The following FZD8 variants were observed in gnomAD, a reference collection of about 807,000 sequenced individuals.
The protein encoded by FZD8 is frizzled class receptor 8.
FZD8 carries 18 observed loss-of-function variants against 46.0 expected under a neutral mutation model. The ratio of observed to expected loss-of-function variants is 0.39; its 90% CI spans 0.27 to 0.58. FZD8 has a LOEUF of 0.58. Ranked by LOEUF, FZD8 falls within the 20% of genes least tolerant of loss-of-function variation. FZD8 has a pLI of 0.55. For synonymous variants in FZD8, 586 were observed against 467.9 expected, an observed-to-expected ratio of 1.25 and a Z score of -3.26; for missense variants, 785 against 983.4, an observed-to-expected ratio of 0.80 and a Z score of 2.70.
At position 35,639,789 on chromosome 10, in the gene FZD8, C is replaced by G; in HGVS notation, c.1641G>C (p.Val547=). The G allele has an allele frequency of 6.2e-7, 1 of 1,602,046 alleles. No homozygotes were observed. Among genetic ancestry groups the G allele is most frequent in the Non-Finnish European group, 8.5e-7 (1 of 1,179,768 alleles). The change falls in exon 1 of 1, where the codon GTG becomes GTC. Residue 547 remains valine, a synonymous_variant. Coordinates refer to ENST00000374694, the MANE Select transcript of FZD8 (RefSeq NM_031866.3). ...GCTGCTCGTAGAAGAGGCAGGCGAC[C>G]ACCACCGCGGCGGGCACGGTGTAGA... is the stretch of plus-strand genomic sequence containing the variant. ...TVLYTVPAAV[V]VACLFYEQHN...
rs1835880892 is a variant in FZD8, at chr10:35,642,236, C to T, written c.-807G>A. 2 of 153,008 alleles carry T rather than the reference C, an allele frequency of 1.3e-5. No homozygotes were observed. The highest frequency in any genetic ancestry group is 6.5e-5 in the Admixed American group (1 of 15,296). 9.5% of individuals were successfully genotyped at this position (153,008 alleles called of 1,614,324 possible). On this transcript the variant is annotated 5_prime_UTR_variant, in exon 1 of 1. Coordinates refer to ENST00000374694, the MANE Select transcript of FZD8 (RefSeq NM_031866.3). ...AGTGGCGCGGCCCGCGCCCAGCCGC[C>T]GCCTCCTCCTCGGCGGGAGCAGCGC...
rs1564478222 is a variant in FZD8 at position 35,641,554 on chromosome 10, C to G, written c.-125G>C. 1 of 1,279,394 alleles carries G rather than the reference C, an allele frequency of 7.8e-7. No homozygotes were observed. Among genetic ancestry groups the G allele is most frequent in the African/African-American group, 1.5e-5 (1 of 66,376 alleles). The allele number at this position is 1,279,394 out of a possible 1,614,324, so 79.3% of individuals were successfully genotyped here. On this transcript the variant is annotated 5_prime_UTR_variant, in exon 1 of 1. Transcript: ENST00000374694. This position sits in a 1 kb window ranked among gnomAD's most constrained non-coding sequence, Gnocchi z 6.3. ...ATCTGGGGTCTCCCTTATGCTTCGCCCGGGAGGGGGGTCTGCCGATAATCT... is the reference window on the plus strand; with the variant it reads ...ATCTGGGGTCTCCCTTATGCTTCGCGCGGGAGGGGGGTCTGCCGATAATCT...
At position 35,641,637 on chromosome 10, in the gene FZD8, C is replaced by A. The variant is rs930067703; in HGVS notation, c.-208G>T. The A allele has an allele frequency of 1.6e-6, 1 of 617,378 alleles. No homozygotes were observed. Among genetic ancestry groups the A allele is most frequent in the African/African-American group, 1.9e-5 (1 of 52,962 alleles). 38.2% of individuals were successfully genotyped at this position (617,378 alleles called of 1,614,324 possible). ...GGCCCGCAGCCTGGGCAGGGCCCTT[C>A]CGCACTCCTTTCCGCCGCTCCGGGG... On this transcript the variant is annotated 5_prime_UTR_variant, in exon 1 of 1. Coordinates refer to ENST00000374694, the MANE Select transcript of FZD8 (RefSeq NM_031866.3). This position sits in a 1 kb window ranked among gnomAD's most constrained non-coding sequence, Gnocchi z 6.3.
Position 35,641,527 on chromosome 10 carries a change from T to A in FZD8, c.-98A>T. The A allele has an allele frequency of 7.0e-7, 1 of 1,433,014 alleles. No individual in the cohort carries two copies. The highest frequency in any genetic ancestry group is 9.1e-7 in the Non-Finnish European group (1 of 1,095,268). 88.8% of individuals were successfully genotyped at this position (1,433,014 alleles called of 1,614,324 possible). A position where few individuals can be genotyped will look rare whatever the true frequency, so the allele number is the denominator to read the frequency against. ...GAGAGCCGCAGACGGGTACAGCGGG[T>A]GATCTGGGGTCTCCCTTATGCTTCG... is the stretch of plus-strand genomic sequence containing the variant. On this transcript the variant is annotated 5_prime_UTR_variant, in exon 1 of 1. Coordinates refer to ENST00000374694, the MANE Select transcript of FZD8 (RefSeq NM_031866.3). The surrounding 1 kb of genome is among the most constrained non-coding windows in gnomAD (Gnocchi z 6.3).
Position 35,640,917 on chromosome 10 carries a change from C to G in FZD8, c.513G>C (p.Pro171=). 2.5e-6 allele frequency: 3 copies of G among 1,180,012 alleles called. No homozygotes were observed. The highest frequency in any genetic ancestry group is 3.2e-6 in the Non-Finnish European group (3 of 947,258). 73.1% of individuals were successfully genotyped at this position (1,180,012 alleles called of 1,614,324 possible). A position where few individuals can be genotyped will look rare whatever the true frequency, so the allele number is the denominator to read the frequency against. The change falls in exon 1 of 1, where the codon CCG becomes CCC. Residue 171 remains proline, a synonymous_variant. Transcript: ENST00000374694. ...TGCCCGAAGGCGGCTGCTCGCCGGG[C>G]GGCGGCGGCGGCAGGCGGCGCGGCG... The part of the protein sequence containing the change: ...PSPPRRLPPP[P]PGEQPPSGSG...
At position 35,641,362 on chromosome 10, in the gene FZD8, C is replaced by G; in HGVS notation, c.68G>C (p.Ser23Thr). 1.2e-6 allele frequency: 2 copies of G among 1,613,412 alleles called. No individual in the cohort carries two copies. Among genetic ancestry groups the G allele is most frequent in the East Asian group, 2.2e-5 (1 of 44,790 alleles). Residue 23 changes from serine to threonine, a missense_variant, in exon 1 of 1, where the codon AGC (serine) becomes ACC (threonine). Ser to Thr is a moderately conservative substitution (Grantham distance 58, BLOSUM62 1). This residue lies in a region of FZD8 where 354 missense variants were observed against 433.2 expected (regional missense o/e 0.82). Coordinates refer to ENST00000374694, the MANE Select transcript of FZD8 (RefSeq NM_031866.3). The surrounding 1 kb of genome is among the most constrained non-coding windows in gnomAD (Gnocchi z 6.3). ...CTTGGCCGAGGCGGCCGCAGCGCCGCTAGAGCGCTGCAGCAGCGCCAAGGC... is the reference window on the plus strand; with the variant it reads ...CTTGGCCGAGGCGGCCGCAGCGCCGGTAGAGCGCTGCAGCAGCGCCAAGGC... ...LAALALLQRS[S>T]GAAAASAKEL...
In FZD8 at chr10:35,640,788, A is replaced by ACCG. The variant is rs1028435900; in HGVS notation, c.639_641dup (p.Gly216dup). Reference sequence around the variant, plus strand: ...CGCCAGGGGGCCGCGCCTTCCCGCCACCGCCGCCGCCGCGAGCTGGGGGCG... The same window carrying ACCG: ...CGCCAGGGGGCCGCGCCTTCCCGCCACCGCCGCCGCCGCCGCGAGCTGGGGGCG... On this transcript the variant is annotated inframe_insertion, in exon 1 of 1. Transcript: ENST00000374694. 22 of 1,121,410 alleles carry ACCG rather than the reference A, an allele frequency of 2.0e-5. No individual in the cohort carries two copies. The African/African-American group carries it at 2.5e-4, about 13-fold the overall frequency. 69.5% of individuals were successfully genotyped at this position (1,121,410 alleles called of 1,614,324 possible).
In FZD8 at chr10:35,641,487, G is replaced by GGGC. The variant is rs1554808064; in HGVS notation, c.-59_-58insGCC. Reference sequence around the variant, plus strand: ...CAGGCGGCGCGCAGAGGGGTGCCGGGGGGGGGGCCCACGAGAGAGCCGCAG... The same window carrying GGGC: ...CAGGCGGCGCGCAGAGGGGTGCCGGGGGCGGGGGGGCCCACGAGAGAGCCGCAG... On this transcript the variant is annotated 5_prime_UTR_variant, in exon 1 of 1. Coordinates refer to ENST00000374694, the MANE Select transcript of FZD8 (RefSeq NM_031866.3). This position sits in a 1 kb window ranked among gnomAD's most constrained non-coding sequence, Gnocchi z 6.3. 5.2e-6 allele frequency: 7 copies of GGGC among 1,334,754 alleles called. No homozygotes were observed. The African/African-American group carries it at 9.6e-5, about 18-fold the overall frequency. The allele number at this position is 1,334,754 out of a possible 1,614,324, so 82.7% of individuals were successfully genotyped here.
Position 35,639,798 on chromosome 10 carries a change from G to A in FZD8, c.1632C>T (p.Ala544=). The change falls in exon 1 of 1, where the codon GCC becomes GCT. Residue 544 remains alanine, a synonymous_variant. Transcript: ENST00000374694. The part of the protein sequence containing the change: ...GLFTVLYTVP[A]AVVVACLFYE... ...AGAAGAGGCAGGCGACCACCACCGCGGCGGGCACGGTGTAGAGCACGGTGA... is the reference window on the plus strand; with the variant it reads ...AGAAGAGGCAGGCGACCACCACCGCAGCGGGCACGGTGTAGAGCACGGTGA... The A allele has an allele frequency of 6.2e-7, 1 of 1,602,630 alleles. No homozygotes were observed. The highest frequency in any genetic ancestry group is 8.5e-7 in the Non-Finnish European group (1 of 1,179,820).
rs763780475 is a variant in FZD8, at chr10:35,641,431, C to T, written c.-2G>A. On this transcript the variant is annotated 5_prime_UTR_variant, in exon 1 of 1. Coordinates refer to ENST00000374694, the MANE Select transcript of FZD8 (RefSeq NM_031866.3). This position sits in a 1 kb window ranked among gnomAD's most constrained non-coding sequence, Gnocchi z 6.3. ...TTCCAACAGGTAACCCCACTCCATGCTGTGCGCCTCGGCCCGGTGCCCTCG... is the reference window on the plus strand; with the variant it reads ...TTCCAACAGGTAACCCCACTCCATGTTGTGCGCCTCGGCCCGGTGCCCTCG... 12 of 1,598,700 alleles carry T rather than the reference C, an allele frequency of 7.5e-6. No homozygotes were observed. The highest frequency in any genetic ancestry group is 1.3e-5 in the African/African-American group (1 of 74,322).
chr10:35,640,526 C>A lies in FZD8; in HGVS notation c.904G>T (p.Asp302Tyr). Residue 302 changes from aspartate (D) to tyrosine (Y), a missense_variant, in exon 1 of 1, where the codon GAC (aspartate) becomes TAC (tyrosine). Physicochemically the swap from Asp to Tyr is radical, Grantham distance 160 (BLOSUM62 -3). Around this residue, in one of 5 missense-constraint regions of FZD8, gnomAD observed 354 missense variants for 433.2 expected, o/e 0.82. Coordinates refer to ENST00000374694, the MANE Select transcript of FZD8 (RefSeq NM_031866.3). ...TFATVSTFLI[D>Y]MERFKYPERP... ...TCCGGGTACTTGAAGCGCTCCATGT[C>A]GATAAGGAAGGTGGAGACGGTGGCG... 1 of 1,586,918 alleles carries A rather than the reference C, an allele frequency of 6.3e-7. No homozygotes were observed. Among genetic ancestry groups the A allele is most frequent in the Non-Finnish European group, 8.6e-7 (1 of 1,164,594 alleles).
rs1835819279 is a variant in FZD8 at position 35,639,573 on chromosome 10, G to C, written c.1857C>G (p.Arg619=). The change falls in exon 1 of 1, where the codon CGC becomes CGG. Residue 619 remains arginine, a synonymous_variant. Coordinates refer to ENST00000374694, the MANE Select transcript of FZD8 (RefSeq NM_031866.3). The part of the protein sequence containing the change: ...TLESWRSLCT[R]CCWASKGAAV... ...CGGCGCCCTTGCTGGCCCAGCAGCA[G>C]CGGGTGCACAGGGAGCGCCAGGACT... is the stretch of plus-strand genomic sequence containing the variant. 11 of 1,569,822 alleles carry C rather than the reference G, an allele frequency of 7.0e-6. No individual in the cohort carries two copies. Among genetic ancestry groups the C allele is most frequent in the Non-Finnish European group, 9.4e-6 (11 of 1,164,614 alleles).
Position 35,641,344 on chromosome 10 carries a change from G to C in FZD8, c.86C>G (p.Ser29Trp), listed in dbSNP as rs753375253. 1.2e-6 allele frequency: 2 copies of C among 1,613,678 alleles called. No homozygotes were observed. Among genetic ancestry groups the C allele is most frequent in the African/African-American group, 2.7e-5 (2 of 75,044 alleles). ...LQRSSGAAAA[S>W]AKELACQEIT... ...CTCTTGGCATGCCAGCTCCTTGGCC[G>C]AGGCGGCCGCAGCGCCGCTAGAGCG... is the stretch of plus-strand genomic sequence containing the variant. Residue 29 changes from serine (S) to tryptophan (W), a missense_variant, in exon 1 of 1, where the codon TCG (serine) becomes TGG (tryptophan). Transcript: ENST00000374694. The surrounding 1 kb of genome is among the most constrained non-coding windows in gnomAD (Gnocchi z 6.3).
Position 35,641,250 on chromosome 10 carries a change from G to A in FZD8, c.180C>T (p.Asp60=). The A allele has an allele frequency of 1.2e-6, 2 of 1,614,066 alleles. No individual in the cohort carries two copies. The highest frequency in any genetic ancestry group is 1.1e-5 in the South Asian group (1 of 91,088). ...CCTCCAGGCCCGCCTCGTCTTGCGT[G>A]TCGTGGTTGAACTGATTGGGCATGT... ...YTYMPNQFNH[D]TQDEAGLEVH... Residue 60 remains aspartate (D), a synonymous_variant, in exon 1 of 1, where the codon GAC becomes GAT. Coordinates refer to ENST00000374694, the MANE Select transcript of FZD8 (RefSeq NM_031866.3). This position sits in a 1 kb window ranked among gnomAD's most constrained non-coding sequence, Gnocchi z 6.3.
Position 35,641,361 on chromosome 10 carries a change from G to T in FZD8, c.69C>A (p.Ser23Arg). 6.2e-7 allele frequency: 1 copy of T among 1,613,384 alleles called. No homozygotes were observed. Among genetic ancestry groups the T allele is most frequent in the East Asian group, 2.2e-5 (1 of 44,794 alleles). ...LAALALLQRS[S>R]GAAAASAKEL... ...CCTTGGCCGAGGCGGCCGCAGCGCC[G>T]CTAGAGCGCTGCAGCAGCGCCAAGG... Residue 23 changes from serine (S) to arginine (R), a missense_variant, in exon 1 of 1, where the codon AGC (serine) becomes AGA (arginine). Around this residue, in one of 5 missense-constraint regions of FZD8, gnomAD observed 354 missense variants for 433.2 expected, o/e 0.82. Transcript: ENST00000374694. The surrounding 1 kb of genome is among the most constrained non-coding windows in gnomAD (Gnocchi z 6.3).
At position 35,640,016 on chromosome 10, in the gene FZD8, A is replaced by G; in HGVS notation, c.1414T>C (p.Tyr472His). ...TTGTCCAGGCTCTGGTTGCCCACGT[A>G]GCAGATGCCCGCCACCGGGTCGCCG... ...VDGDPVAGIC[Y>H]VGNQSLDNLR... Residue 472 changes from tyrosine (Y) to histidine (H), a missense_variant, in exon 1 of 1, where the codon TAC becomes CAC. By Grantham distance (83) the Tyr-to-His change is moderately conservative. Transcript: ENST00000374694. 1 of 1,611,562 alleles carries G rather than the reference A, an allele frequency of 6.2e-7. No individual in the cohort carries two copies. The highest frequency in any genetic ancestry group is 8.5e-7 in the Non-Finnish European group (1 of 1,179,772).
Position 35,641,284 on chromosome 10 carries a change from T to C in FZD8, c.146A>G (p.Asn49Ser). The C allele has an allele frequency of 5.0e-6, 8 of 1,614,016 alleles. No homozygotes were observed. The highest frequency in any genetic ancestry group is 1.1e-5 in the South Asian group (1 of 91,078). ...TVPLCKGIGY[N>S]YTYMPNQFNH... ...GAACTGATTGGGCATGTAGGTGTAG[T>C]TGTAGCCGATGCCCTTACACAGCGG... Residue 49 changes from asparagine (N) to serine (S), a missense_variant, in exon 1 of 1, where the codon AAC becomes AGC. Asn to Ser is a conservative substitution (Grantham distance 46). Coordinates refer to ENST00000374694, the MANE Select transcript of FZD8 (RefSeq NM_031866.3). This position sits in a 1 kb window ranked among gnomAD's most constrained non-coding sequence, Gnocchi z 6.3.
chr10:35,641,485 G>GA lies in FZD8; in HGVS notation c.-57_-56insT, dbSNP rs1554808057. On this transcript the variant is annotated 5_prime_UTR_variant, in exon 1 of 1. Coordinates refer to ENST00000374694, the MANE Select transcript of FZD8 (RefSeq NM_031866.3). This position sits in a 1 kb window ranked among gnomAD's most constrained non-coding sequence, Gnocchi z 6.3. Reference sequence around the variant, plus strand: ...TCCAGGCGGCGCGCAGAGGGGTGCCGGGGGGGGGGCCCACGAGAGAGCCGC... The same window carrying GA: ...TCCAGGCGGCGCGCAGAGGGGTGCCGAGGGGGGGGGCCCACGAGAGAGCCGC... 1 of 1,251,822 alleles carries GA rather than the reference G, an allele frequency of 8.0e-7. No homozygotes were observed. Among genetic ancestry groups the GA allele is most frequent in the Non-Finnish European group, 1.0e-6 (1 of 976,408 alleles). The allele number at this position is 1,251,822 out of a possible 1,614,324, so 77.5% of individuals were successfully genotyped here.
chr10:35,640,607 C>A lies in FZD8; in HGVS notation c.823G>T (p.Ala275Ser), dbSNP rs1222542340. The A allele has an allele frequency of 1.3e-6, 2 of 1,583,700 alleles. No homozygotes were observed. Among genetic ancestry groups the A allele is most frequent in the Non-Finnish European group, 1.7e-6 (2 of 1,162,684 alleles). ...AGGCCGATCCAGAAGACGGTGAAGG[C>A]GCGCTCGTCCTGGCTGAAAAAGGGG... The part of the protein sequence containing the change: ...HNPFFSQDER[A>S]FTVFWIGLWS... Residue 275 changes from alanine to serine, a missense_variant, in exon 1 of 1, where the codon GCC (alanine) becomes TCC (serine). This residue lies in a region of FZD8 where 354 missense variants were observed against 433.2 expected (regional missense o/e 0.82). Coordinates refer to ENST00000374694, the MANE Select transcript of FZD8 (RefSeq NM_031866.3).
Sources: allele counts gnomAD v4.1 joint callset, GRCh38; gene constraint gnomAD v4.1.1; regional missense constraint gnomAD v4.1.1; non-coding constraint Gnocchi (gnomAD v3.1); transcripts MANE v1.5; gene names NCBI Gene and HGNC (gene_info 2026-07-23, HGNC 2026-07-21).